The following LRP1B variants were observed in gnomAD, a reference collection of about 807,000 sequenced individuals.
LRP1B encodes the protein LDL receptor related protein 1B.
LRP1B carries 217 observed loss-of-function variants against 556.6 expected under a neutral mutation model. The observed-to-expected ratio is 0.39, with a 90% CI of 0.35 to 0.44. The LOEUF is 0.44. Among genes scored for constraint, LRP1B ranks in the 20% least tolerant of loss-of-function variants. The pLI, the probability that LRP1B is intolerant of heterozygous loss-of-function variation, is 1.00. For synonymous variants in LRP1B, 2,047 were observed against 1,865.8 expected, an observed-to-expected ratio of 1.10 and a Z score of -2.50; for missense variants, 5,053 against 5,620.8, an observed-to-expected ratio of 0.90 and a Z score of 3.23.
At chr2:140,590,572 CT>C (rs1682181274) in intron 43 of LRP1B, among the ~76,000 whole-genome samples, 1 of 151,666 alleles carries the variant, frequency 6.6e-6, no homozygotes, top group Non-Finnish European at 1.5e-5. Flanking sequence ...CTCTCTCTCT[CT>C]CTCTCTCCCC....
At chr2:140,646,297 A>G (rs187577875) in intron 41 of LRP1B, among the ~76,000 whole-genome samples, 1 of 152,336 alleles carries the variant, frequency 6.6e-6, no homozygotes, top group East Asian at 1.9e-4. Context: ...AAAACCTGGC[A>G]GGTAGACCTG....
chr2:140,899,508 A>G (rs1694042017), intron 23 of LRP1B, among the ~76,000 whole-genome samples: 1 of 152,214 alleles, frequency 6.6e-6, no homozygotes, highest in African/African-American at 2.4e-5. Flanking sequence ...AGCTTTCAAA[A>G]AGTCAGTTGC....
chr2:140,833,199 T>C (rs1263403371), intron 31 of LRP1B, among the ~76,000 whole-genome samples: 2 of 152,114 alleles, frequency 1.3e-5, no homozygotes, highest in African/African-American at 2.4e-5. Context: ...AATGAATGAA[T>C]GAATACAAAT....
chr2:140,593,786 C>A (rs939244125), intron 43 of LRP1B, among the ~76,000 whole-genome samples: 1 of 151,710 alleles, frequency 6.6e-6, no homozygotes, highest in African/African-American at 2.4e-5. Flanking sequence ...TTAAAAAAAT[C>A]AAAAAATAAA....
intron 66 of LRP1B, among the ~76,000 whole-genome samples, chr2:140,431,307 G>C (rs1685929198): frequency 6.6e-6 from 1 of 152,144 alleles, no homozygotes; most frequent in African/African-American, 2.4e-5. Context: ...ATTCAGGCCT[G>C]TCCTCGGAAT....
At chr2:141,309,922 A>G (rs1686747811) in intron 3 of LRP1B, among the ~76,000 whole-genome samples, 2 of 152,188 alleles carry the variant, frequency 1.3e-5, no homozygotes, top group South Asian at 4.1e-4. Context: ...CTTAAATGTC[A>G]AATCTGCTGT....
At chr2:141,177,145 T>C (rs556894866) in intron 7 of LRP1B, among the ~76,000 whole-genome samples, 1 of 152,078 alleles carries the variant, frequency 6.6e-6, no homozygotes, top group East Asian at 1.9e-4. Context: ...TTTTTACCTC[T>C]GGTCAAAATC....
chr2:142,125,662 G>T lies in LRP1B; in HGVS notation c.82+4986C>A, dbSNP rs750740406. The stretch of plus-strand genomic sequence containing the variant: ...CCAAGGCCTATAGACTATACAATTT[G>T]TGATTGCTCTGTTGCAATTTCATTT... On this transcript the variant is annotated intron_variant, in intron 1 of 90. Coordinates refer to ENST00000389484, the MANE Select transcript of LRP1B (RefSeq NM_018557.3). 2.0e-5 allele frequency among the ~76,000 whole-genome samples: 3 copies of T among 151,922 alleles called. No homozygotes were observed. The East Asian group carries it at 5.8e-4, about 29-fold the overall frequency.
chr2:142,107,891 C>T (rs894253212), intron 1 of LRP1B, among the ~76,000 whole-genome samples: 5 of 150,080 alleles, frequency 3.3e-5, no homozygotes, highest in Admixed American at 6.6e-5. Flanking sequence ...AGTGATCCGC[C>T]CACCTCGGCC....
chr2:142,036,718 G>A (rs1171908022), intron 1 of LRP1B, among the ~76,000 whole-genome samples: 1 of 151,532 alleles, frequency 6.6e-6, no homozygotes, highest in Non-Finnish European at 1.5e-5. Flanking sequence ...TAAATATAGA[G>A]CTTCTAAATC....
At chr2:141,120,515 A>G (rs1464380727) in intron 7 of LRP1B, among the ~76,000 whole-genome samples, 1 of 151,960 alleles carries the variant, frequency 6.6e-6, no homozygotes, top group East Asian at 1.9e-4. Context: ...CAGATATATT[A>G]TGATTATATC....
intron 2 of LRP1B, among the ~76,000 whole-genome samples, chr2:141,555,136 A>G (rs1295126140): frequency 4.6e-5 from 7 of 152,020 alleles, no homozygotes; most frequent in African/African-American, 1.7e-4. Flanking sequence ...AGATATACAC[A>G]TACAGATGCA....
intron 4 of LRP1B, among the ~76,000 whole-genome samples, chr2:141,251,333 TAGC>T (rs1333486764): frequency 3.9e-5 from 6 of 152,070 alleles, no homozygotes; most frequent in African/African-American, 1.4e-4. Flanking sequence ...AGAAACCAGA[TAGC>T]AGTAAATGGA....
intron 7 of LRP1B, among the ~76,000 whole-genome samples, chr2:141,140,779 A>G (rs1345703513): frequency 6.6e-6 from 1 of 152,196 alleles, no homozygotes; most frequent in Non-Finnish European, 1.5e-5. Context: ...AGACTAGCAA[A>G]CTAATACAAG....
intron 1 of LRP1B, among the ~76,000 whole-genome samples, chr2:141,906,194 A>G (rs189770195): frequency 7.2e-5 from 11 of 151,982 alleles, no homozygotes; most frequent in African/African-American, 2.6e-4. Flanking sequence ...AGGTCTGTAC[A>G]CTAAAATAAT....
At position 141,579,106 on chromosome 2, in the gene LRP1B, C is replaced by T. The variant is rs528632809; in HGVS notation, c.206-98573G>A. Among the ~76,000 whole-genome samples, 6 of 152,244 alleles carry T rather than the reference C, an allele frequency of 3.9e-5. No homozygotes were observed. The South Asian group carries it at 6.2e-4, about 16-fold the overall frequency. Reference sequence around the variant, plus strand: ...ATATTGGATATACCTATACATAGGTCGGCTTTTTCTTTTCCATGGATGCCA... The same window carrying T: ...ATATTGGATATACCTATACATAGGTTGGCTTTTTCTTTTCCATGGATGCCA... On this transcript the variant is annotated intron_variant, in intron 2 of 90. Coordinates refer to ENST00000389484, the MANE Select transcript of LRP1B (RefSeq NM_018557.3).
chr2:140,709,197 A>G (rs1203622335), intron 37 of LRP1B, among the ~76,000 whole-genome samples: 1 of 152,080 alleles, frequency 6.6e-6, no homozygotes, highest in African/African-American at 2.4e-5. Flanking sequence ...TAAGAGAGAA[A>G]ACATGTATCC....
chr2:141,625,930 A>C (rs1688688567), intron 2 of LRP1B, among the ~76,000 whole-genome samples: 2 of 152,186 alleles, frequency 1.3e-5, no homozygotes, highest in African/African-American at 4.8e-5. Context: ...AAGAGCATTA[A>C]AAATATATTT....
intron 2 of LRP1B, among the ~76,000 whole-genome samples, chr2:141,669,801 C>T (rs1221364555): frequency 6.6e-6 from 1 of 152,118 alleles, no homozygotes; most frequent in Non-Finnish European, 1.5e-5. Flanking sequence ...GTCTTCCAGG[C>T]TGGAGTGCAA....
Sources: allele counts gnomAD v4.1 joint callset (sites outside exome capture counted in the v4.1 genomes callset), GRCh38; gene constraint gnomAD v4.1.1; transcripts MANE v1.5; gene names NCBI Gene and HGNC (gene_info 2026-07-23, HGNC 2026-07-21).